Variants in SLC3A1 observed in about 807,000 individuals in gnomAD.
SLC3A1 encodes solute carrier family 3 member 1.
SLC3A1 carries 78 observed loss-of-function variants against 60.3 expected under a neutral mutation model. That is an observed-to-expected ratio of 1.29 (90% CI 1.08 to 1.56). SLC3A1 has a LOEUF of 1.56. Among genes scored for constraint, SLC3A1 ranks in the 40% most tolerant of loss-of-function variants. SLC3A1 has a pLI of 0.00. For synonymous variants in SLC3A1, 392 were observed against 307.9 expected (o/e 1.27, Z -2.86); for missense variants, 1,172 against 858.9 (o/e 1.36, Z -4.56).
chr2:44,276,841 C>T (rs1481409452), intron 1 of SLC3A1, among the ~76,000 whole-genome samples: 2 of 152,104 alleles, frequency 1.3e-5, no homozygotes, highest in Admixed American at 6.6e-5. Context: ...GGCAGGCATA[C>T]ACTGGGAACT....
intron 6 of SLC3A1, among the ~76,000 whole-genome samples, chr2:44,301,980 G>T (rs1320542986): frequency 2.0e-5 from 3 of 152,142 alleles, no homozygotes; most frequent in Non-Finnish European, 2.9e-5. Context: ...GCTTGAACCG[G>T]GGAGGTGGAG....
chr2:44,320,425 C>T lies in SLC3A1; in HGVS notation c.1844C>T (p.Pro615Leu). Residue 615 changes from proline (P) to leucine (L), a missense_variant, in exon 10 of 10, where the codon CCC becomes CTC. Physicochemically the swap from Pro to Leu is moderately conservative, Grantham distance 98. Transcript: ENST00000260649. The part of the protein sequence containing the change: ...LNLHNMISGL[P>L]AKMRIRLSTN... ...CTACATAATATGATTTCGGGCCTTC[C>T]CGCTAAAATGAGAATAAGGTTAAGT... 6.2e-7 allele frequency: 1 copy of T among 1,613,982 alleles called. No homozygotes were observed. Among genetic ancestry groups the T allele is most frequent in the Non-Finnish European group, 8.5e-7 (1 of 1,179,902 alleles).
chr2:44,292,840 C>T (rs777273681), intron 4 of SLC3A1, among the ~76,000 whole-genome samples: 1 of 151,948 alleles, frequency 6.6e-6, no homozygotes, highest in South Asian at 2.1e-4. Context: ...CCACTGAAGG[C>T]CCTGGTAAGG....
intron 7 of SLC3A1, among the ~76,000 whole-genome samples, chr2:44,309,591 C>A (rs1209445998): frequency 6.6e-6 from 1 of 152,096 alleles, no homozygotes; most frequent in Admixed American, 6.6e-5. Context: ...TGCTGGATCA[C>A]ATAATACTTC....
intron 6 of SLC3A1, among the ~76,000 whole-genome samples, chr2:44,301,731 T>C (rs1433193158): frequency 4.4e-4 from 36 of 81,938 alleles, no homozygotes; most frequent in African/African-American, 1.9e-3. Context: ...AGAGCGAGAC[T>C]CCATCACAAA....
At chr2:44,278,230 G>A (rs1333101702) in intron 1 of SLC3A1, among the ~76,000 whole-genome samples, 1 of 151,868 alleles carries the variant, frequency 6.6e-6, no homozygotes, top group Non-Finnish European at 1.5e-5. Context: ...GGATCACGAG[G>A]TCAGGAGATT....
At position 44,275,575 on chromosome 2, in the gene SLC3A1, A is replaced by C; in HGVS notation, c.40A>C (p.Ser14Arg). 1 of 1,614,172 alleles carries C rather than the reference A, an allele frequency of 6.2e-7. No individual in the cohort carries two copies. Among genetic ancestry groups the C allele is most frequent in the Non-Finnish European group, 8.5e-7 (1 of 1,180,020 alleles). The change falls in exon 1 of 10, where the codon AGT becomes CGT. Residue 14 changes from serine to arginine, a missense_variant. By Grantham distance (110) the Ser-to-Arg change is moderately radical. Coordinates refer to ENST00000260649, the MANE Select transcript of SLC3A1 (RefSeq NM_000341.4). ...DKSKRDSIEM[S>R]MKGCQTNNGF... The stretch of plus-strand genomic sequence containing the variant: ...AAGCAAGAGAGACTCCATCGAGATG[A>C]GTATGAAGGGATGCCAGACAAACAA...
chr2:44,320,515 G>A lies in SLC3A1; in HGVS notation c.1934G>A (p.Gly645Glu). 1 of 1,614,100 alleles carries A rather than the reference G, an allele frequency of 6.2e-7. No individual in the cohort carries two copies. Residue 645 changes from glycine to glutamate, a missense_variant, in exon 10 of 10, where the codon GGA becomes GAA. By Grantham distance (98) the Gly-to-Glu change is moderately conservative. Transcript: ENST00000260649. ...TSGIFLDKGEGLIFEHNTKNL... is the reference protein window; with the variant it reads ...TSGIFLDKGEELIFEHNTKNL... ...GGCATTTTTCTGGACAAGGGAGAGG[G>A]ACTCATCTTTGAACACAACACGAAG...
chr2:44,318,032 C>T, intron 9 of SLC3A1: 3 of 399,738 alleles, frequency 7.5e-6, no homozygotes, highest in South Asian at 5.3e-5. Flanking sequence ...CCTAATAATT[C>T]CATTCCTAAT....
intron 9 of SLC3A1, chr2:44,318,040 A>C: frequency 4.8e-6 from 2 of 419,568 alleles, no homozygotes; most frequent in South Asian, 3.4e-5. Flanking sequence ...TTCCATTCCT[A>C]ATACTTAGAA....
At chr2:44,284,791 TC>T (rs1671578048) in intron 3 of SLC3A1, among the ~76,000 whole-genome samples, 1 of 152,064 alleles carries the variant, frequency 6.6e-6, no homozygotes, top group African/African-American at 2.4e-5. Flanking sequence ...GTCTTGAACT[TC>T]TGGCCTCAAG....
chr2:44,319,317 T>C (rs1197878644), intron 9 of SLC3A1: 1 of 152,502 alleles, frequency 6.6e-6, no homozygotes, highest in Admixed American at 6.6e-5. Flanking sequence ...TTTGGCATTA[T>C]GTATCAAGTG....
chr2:44,307,448 A>T (rs1672185553), intron 7 of SLC3A1, among the ~76,000 whole-genome samples: 1 of 152,086 alleles, frequency 6.6e-6, no homozygotes, highest in African/African-American at 2.4e-5. Context: ...TCCATTTTAC[A>T]TTCCCACCAG....
At chr2:44,314,008 T>G (rs747006062) in intron 9 of SLC3A1, 57 bp downstream of exon 9, 56 of 1,610,480 alleles carry the variant, frequency 3.5e-5, no homozygotes, top group Non-Finnish European at 6.8e-6. Context: ...GGGTTTCTAC[T>G]GAAAGTACAC....
rs189013458 is a variant in SLC3A1 at position 44,295,304 on chromosome 2, C to G, written c.892-4667C>G. Among the ~76,000 whole-genome samples the G allele has an allele frequency of 2.6e-5, 4 of 152,260 alleles. No individual in the cohort carries two copies. The East Asian group carries it at 7.7e-4, about 29-fold the overall frequency. On this transcript the variant is annotated intron_variant, in intron 4 of 9. Coordinates refer to ENST00000260649, the MANE Select transcript of SLC3A1 (RefSeq NM_000341.4). ...CAGGAGTGCGTGATGTCATGGGAGT[C>G]AGACAGGAGTCAAGGACGTAGTGTA...
intron 3 of SLC3A1, among the ~76,000 whole-genome samples, chr2:44,283,097 C>G (rs1671537117): frequency 6.6e-6 from 1 of 152,158 alleles, no homozygotes; most frequent in African/African-American, 2.4e-5. Flanking sequence ...TCTCTCCTGC[C>G]TTTATTCTGG....
At chr2:44,292,733 G>T (rs371932710) in intron 4 of SLC3A1, among the ~76,000 whole-genome samples, 1 of 152,040 alleles carries the variant, frequency 6.6e-6, no homozygotes, top group African/African-American at 2.4e-5. Context: ...ACACATTAGA[G>T]GTGCTGGGAG....
chr2:44,309,489 G>C (rs1672240145), intron 7 of SLC3A1, among the ~76,000 whole-genome samples: 1 of 150,716 alleles, frequency 6.6e-6, no homozygotes, highest in Non-Finnish European at 1.5e-5. Context: ...CCTCCTTTTG[G>C]CTGTTGGAAT....
At chr2:44,287,997 T>G (rs1048022187) in intron 4 of SLC3A1, among the ~76,000 whole-genome samples, 1 of 152,182 alleles carries the variant, frequency 6.6e-6, no homozygotes, top group African/African-American at 2.4e-5. Context: ...TTTTAGTATC[T>G]TCACAGAGTT....
Sources: allele counts gnomAD v4.1 joint callset (sites outside exome capture counted in the v4.1 genomes callset), GRCh38; gene constraint gnomAD v4.1.1; transcripts MANE v1.5; gene names NCBI Gene and HGNC (gene_info 2026-07-23, HGNC 2026-07-21).